The following ZNF618 variants were observed in gnomAD, a reference collection of about 807,000 sequenced individuals.
ZNF618 encodes the protein zinc finger protein 618.
In ZNF618, 34 loss-of-function variants were observed where a neutral mutation model predicts 103.0. That is an observed-to-expected ratio of 0.33 (90% CI 0.25 to 0.44). The LOEUF is 0.44. ZNF618 is among the 20% of genes least tolerant of loss of function. The pLI, the probability that ZNF618 is intolerant of heterozygous loss-of-function variation, is 1.00. For missense variants in ZNF618, 1,059 were observed against 1,295.4 expected (o/e 0.82, Z 2.80); for synonymous variants, 551 against 542.2 (o/e 1.02, Z -0.23).
intron 1 of ZNF618, among the ~76,000 whole-genome samples, chr9:113,943,212 A>G (rs1351747558): frequency 6.6e-6 from 1 of 152,222 alleles, no homozygotes; most frequent in Non-Finnish European, 1.5e-5. Flanking sequence ...CCAGTGGCTC[A>G]GAGCAGGCAT....
At chr9:114,009,815 T>C (rs190335724) in intron 9 of ZNF618, among the ~76,000 whole-genome samples, 29 of 152,226 alleles carry the variant, frequency 1.9e-4, no homozygotes, top group Non-Finnish European at 3.8e-4. Flanking sequence ...AGGGGTTGGG[T>C]GGGTTCCCTC....
intron 1 of ZNF618, among the ~76,000 whole-genome samples, chr9:113,928,936 G>A (rs926887061): frequency 2.6e-5 from 4 of 152,198 alleles, no homozygotes; most frequent in Admixed American, 2.0e-4. Context: ...GAGTTGTCCA[G>A]TTGTCCTTCC....
At chr9:114,020,979 TA>T (rs35191945) in intron 10 of ZNF618, among the ~76,000 whole-genome samples, 37,597 of 151,942 alleles carry the variant, frequency 0.25, 5,380 homozygotes, top group Middle Eastern at 0.41. Context: ...TATAGTTTAT[TA>T]AAAGTTTTTC....
rs1250406510 is a variant in ZNF618 at position 113,988,592 on chromosome 9, G to T, written c.337+12G>T. 2 of 1,598,654 alleles carry T rather than the reference G, an allele frequency of 1.3e-6. No homozygotes were observed. The highest frequency in any genetic ancestry group is 1.3e-5 in the African/African-American group (1 of 74,842). ...CCAGCAGACCCTTGGTGAGTGCCCAGCGTCTGTGGTCAGGGTGGAGACCAG... is the reference window on the plus strand; with the variant it reads ...CCAGCAGACCCTTGGTGAGTGCCCATCGTCTGTGGTCAGGGTGGAGACCAG... On this transcript the variant is annotated intron_variant, in intron 3 of 14. Transcript: ENST00000374126.
chr9:113,981,069 G>A (rs564054012), intron 2 of ZNF618, among the ~76,000 whole-genome samples: 2 of 152,214 alleles, frequency 1.3e-5, no homozygotes, highest in Non-Finnish European at 2.9e-5. Flanking sequence ...CTGGATGTGT[G>A]TTAATGCATT....
intron 1 of ZNF618, among the ~76,000 whole-genome samples, chr9:113,878,545 A>AT (rs1457785883): frequency 7.2e-5 from 11 of 152,226 alleles, no homozygotes; most frequent in African/African-American, 2.7e-4. Flanking sequence ...AATTTGACAG[A>AT]TGAGAATAAA....
At chr9:113,900,194 T>G (rs1037106522) in intron 1 of ZNF618, among the ~76,000 whole-genome samples, 2 of 152,120 alleles carry the variant, frequency 1.3e-5, no homozygotes, top group African/African-American at 4.8e-5. Context: ...AGTAGCTGGC[T>G]GGAACTACAG....
chr9:113,932,475 A>G (rs1375595328), intron 1 of ZNF618, among the ~76,000 whole-genome samples: 1 of 152,168 alleles, frequency 6.6e-6, no homozygotes, highest in Non-Finnish European at 1.5e-5. Flanking sequence ...CCTGGCTGCT[A>G]TGAGGGAAAG....
intron 1 of ZNF618, among the ~76,000 whole-genome samples, chr9:113,895,246 A>G (rs1441923625): frequency 1.3e-5 from 2 of 152,116 alleles, no homozygotes; most frequent in Non-Finnish European, 2.9e-5. Flanking sequence ...CTCCCCCACT[A>G]TAAAGCTATT....
intron 1 of ZNF618, among the ~76,000 whole-genome samples, chr9:113,895,001 T>G (rs919676217): frequency 6.6e-6 from 1 of 152,190 alleles, no homozygotes; most frequent in African/African-American, 2.4e-5. Flanking sequence ...CAAGTATTCT[T>G]GTATTATCTT....
chr9:113,894,328 A>G (rs957286907), intron 1 of ZNF618, among the ~76,000 whole-genome samples: 10 of 152,216 alleles, frequency 6.6e-5, no homozygotes, highest in Admixed American at 5.2e-4. Context: ...ATTTGTGCCA[A>G]CTATGGGCAG....
intron 10 of ZNF618, among the ~76,000 whole-genome samples, chr9:114,021,694 C>A (rs1004533084): frequency 2.6e-5 from 4 of 152,040 alleles, no homozygotes; most frequent in Admixed American, 2.0e-4. Flanking sequence ...TACCCATCAC[C>A]CCCAACAGTT....
chr9:113,999,167 C>G (rs1840918822), intron 4 of ZNF618, among the ~76,000 whole-genome samples: 2 of 152,224 alleles, frequency 1.3e-5, no homozygotes. Flanking sequence ...AAAGGGGAAC[C>G]TGAAGCCCAG....
chr9:113,922,708 A>G (rs1832755680), intron 1 of ZNF618, among the ~76,000 whole-genome samples: 1 of 152,072 alleles, frequency 6.6e-6, no homozygotes, highest in African/African-American at 2.4e-5. Context: ...CTGTACCTTT[A>G]TAGTAAGTCT....
intron 1 of ZNF618, among the ~76,000 whole-genome samples, chr9:113,884,281 C>T (rs1286808747): frequency 2.6e-5 from 4 of 152,142 alleles, no homozygotes; most frequent in Non-Finnish European, 5.9e-5. Context: ...AGCCAAGGCA[C>T]GGCTCCCCTC....
Position 113,998,295 on chromosome 9 carries a change from C to T in ZNF618, c.374C>T (p.Ser125Phe), listed in dbSNP as rs1840826866. 2.6e-6 allele frequency: 4 copies of T among 1,550,606 alleles called. No individual in the cohort carries two copies. The highest frequency in any genetic ancestry group is 3.5e-6 in the Non-Finnish European group (4 of 1,147,010). ...KAPEGSPHGG[S>F]VRSRYSGTWI... The stretch of plus-strand genomic sequence containing the variant: ...CCCGAAGGCAGCCCCCACGGTGGAT[C>T]TGTGCGAAGCCGGTATTCAGGGACC... Residue 125 changes from serine to phenylalanine, a missense_variant, in exon 4 of 15, where the codon TCT becomes TTT. Physicochemically the swap from Ser to Phe is radical, Grantham distance 155. Around this residue, in one of 6 missense-constraint regions of ZNF618, gnomAD observed 194 missense variants for 209.0 expected, o/e 0.93. Coordinates refer to ENST00000374126, the MANE Select transcript of ZNF618 (RefSeq NM_001318042.2).
chr9:114,026,289 C>T (rs954506358), intron 10 of ZNF618, among the ~76,000 whole-genome samples: 12 of 152,078 alleles, frequency 7.9e-5, no homozygotes, highest in African/African-American at 2.4e-4. Context: ...GAGAGGGGAG[C>T]GGTCCCAAGC....
intron 2 of ZNF618, among the ~76,000 whole-genome samples, chr9:113,976,837 T>G (rs1323160738): frequency 6.6e-6 from 1 of 152,208 alleles, no homozygotes; most frequent in Non-Finnish European, 1.5e-5. Context: ...AGAAAAGAAC[T>G]AACTAATATG....
chr9:114,039,626 C>T (rs1428639297), intron 13 of ZNF618, among the ~76,000 whole-genome samples: 2 of 152,218 alleles, frequency 1.3e-5, no homozygotes, highest in Non-Finnish European at 2.9e-5. Flanking sequence ...GCTGGGATTA[C>T]AGGCGTGAGC....
Sources: gnomAD v4.1 joint callset for allele counts (sites outside exome capture counted in the v4.1 genomes callset) on GRCh38, gnomAD v4.1.1 for gene constraint, gnomAD v4.1.1 regional missense constraint, MANE v1.5 for transcripts, NCBI Gene and HGNC (gene_info 2026-07-23, HGNC 2026-07-21) for gene names.